RARB: variants seen among roughly 807,000 people sequenced by gnomAD.
The protein encoded by RARB is HBV-activated protein.
RARB carries 17 observed loss-of-function variants against 51.9 expected under a neutral mutation model. The ratio of observed to expected loss-of-function variants is 0.33; its 90% CI spans 0.22 to 0.49. The LOEUF (loss-of-function observed/expected upper bound fraction) is 0.49, where lower values mean the gene tolerates loss of function less well. RARB is among the 20% of genes least tolerant of loss of function. The pLI, the probability that RARB is intolerant of heterozygous loss-of-function variation, is 0.99. For missense variants in RARB, 369 were observed against 550.8 expected, an observed-to-expected ratio of 0.67 and a Z score of 3.30; for synonymous variants, 215 against 195.4, an observed-to-expected ratio of 1.10 and a Z score of -0.84.
At chr3:25,276,875 G>A (rs1195228073) in intron 5 of RARB, among the ~76,000 whole-genome samples, 1 of 152,198 alleles carries the variant, frequency 6.6e-6, no homozygotes, top group Admixed American at 6.5e-5. Flanking sequence ...TATATTGGCA[G>A]TAATCTGTAT....
intron 5 of RARB, among the ~76,000 whole-genome samples, chr3:25,205,747 T>G (rs1237821378): frequency 1.7e-5 from 2 of 119,958 alleles, no homozygotes; most frequent in African/African-American, 5.2e-5. Context: ...ATTAAAAACC[T>G]TTTTTTTTTT....
At chr3:25,108,983 A>C (rs1484328034) in intron 3 of RARB, among the ~76,000 whole-genome samples, 1 of 152,156 alleles carries the variant, frequency 6.6e-6, no homozygotes, top group Non-Finnish European at 1.5e-5. Context: ...CTTGGGAGTC[A>C]TTCAGACCAG....
chr3:25,444,837 T>C (rs1488446373), intron 1 of RARB, among the ~76,000 whole-genome samples: 1 of 152,172 alleles, frequency 6.6e-6, no homozygotes, highest in Non-Finnish European at 1.5e-5. Context: ...TACAAGCAAT[T>C]TGAGAAAAAG....
At chr3:25,391,151 G>A (rs1706943299) in intron 5 of RARB, among the ~76,000 whole-genome samples, 1 of 152,102 alleles carries the variant, frequency 6.6e-6, no homozygotes, top group Non-Finnish European at 1.5e-5. Context: ...ACAATGTTTG[G>A]TTTTCCATTC....
intron 3 of RARB, among the ~76,000 whole-genome samples, chr3:25,125,615 A>G (rs1699848687): frequency 6.6e-6 from 1 of 152,196 alleles, no homozygotes; most frequent in African/African-American, 2.4e-5. Context: ...GACATAATAA[A>G]TTGAATACTC....
At chr3:25,419,595 C>T (rs1231141991) in intron 5 of RARB, among the ~76,000 whole-genome samples, 1 of 152,136 alleles carries the variant, frequency 6.6e-6, no homozygotes, top group Non-Finnish European at 1.5e-5. Flanking sequence ...GAGAGTCTGA[C>T]AGTGTAGTGT....
intron 2 of RARB, among the ~76,000 whole-genome samples, chr3:24,980,816 A>G (rs1050708193): frequency 6.6e-6 from 1 of 151,904 alleles, no homozygotes; most frequent in Admixed American, 6.6e-5. Context: ...GCTGGAGAGG[A>G]GTTGTGTTCC....
chr3:25,050,430 A>T (rs561275092), intron 2 of RARB, among the ~76,000 whole-genome samples: 1 of 151,784 alleles, frequency 6.6e-6, no homozygotes, highest in South Asian at 2.1e-4. Context: ...AAGGCTCATG[A>T]TTTAAAAAAA....
chr3:25,108,090 T>A (rs528594470), intron 3 of RARB, among the ~76,000 whole-genome samples: 60 of 152,302 alleles, frequency 3.9e-4, no homozygotes, highest in African/African-American at 1.3e-3. Flanking sequence ...GGGTAGCATC[T>A]ACAGCATGGA....
chr3:24,917,303 GA>G (rs1369463775), intron 2 of RARB, among the ~76,000 whole-genome samples: 9 of 151,908 alleles, frequency 5.9e-5, no homozygotes, highest in Non-Finnish European at 1.2e-4. Flanking sequence ...ATTCATAGAG[GA>G]AAAAAACTGA....
intron 5 of RARB, among the ~76,000 whole-genome samples, chr3:25,381,009 C>G (rs902525674): frequency 1.3e-5 from 2 of 152,108 alleles, no homozygotes; most frequent in South Asian, 2.1e-4. Context: ...TTATTATTTT[C>G]TCTTTCCTGT....
chr3:25,232,833 C>T (rs2125391198), intron 5 of RARB, among the ~76,000 whole-genome samples: 1 of 152,202 alleles, frequency 6.6e-6, no homozygotes, highest in African/African-American at 2.4e-5. Flanking sequence ...ATATTCAACA[C>T]TTTATTATAA....
At chr3:25,016,834 C>T (rs1228639808) in intron 2 of RARB, among the ~76,000 whole-genome samples, 5 of 152,080 alleles carry the variant, frequency 3.3e-5, no homozygotes, top group South Asian at 4.1e-4. Flanking sequence ...CTTGATAACA[C>T]TTACAAGAAC....
intron 1 of RARB, among the ~76,000 whole-genome samples, chr3:24,853,167 A>C (rs78064482): frequency 6.6e-6 from 1 of 150,820 alleles, no homozygotes; most frequent in African/African-American, 2.4e-5. Flanking sequence ...AAAAAAAAAA[A>C]TTAGCCAGGC....
At chr3:24,862,810 C>T (rs141868875) in intron 2 of RARB, among the ~76,000 whole-genome samples, 6 of 152,204 alleles carry the variant, frequency 3.9e-5, no homozygotes, top group Admixed American at 3.9e-4. Flanking sequence ...TGGTACCTGC[C>T]CTTCGGCAGC....
At chr3:25,293,706 C>A (rs558932812) in intron 5 of RARB, among the ~76,000 whole-genome samples, 1 of 150,498 alleles carries the variant, frequency 6.6e-6, no homozygotes, top group South Asian at 2.1e-4. Flanking sequence ...TCTTTGCTTT[C>A]GTCTGATTAA....
chr3:25,085,518 T>C (rs1489128301), intron 3 of RARB, among the ~76,000 whole-genome samples: 1 of 152,154 alleles, frequency 6.6e-6, no homozygotes, highest in African/African-American at 2.4e-5. Flanking sequence ...CCTTCCCATG[T>C]TTTTCTTACT....
intron 5 of RARB, among the ~76,000 whole-genome samples, chr3:25,204,221 A>T (rs1307977823): frequency 6.6e-6 from 1 of 152,174 alleles, no homozygotes; most frequent in African/African-American, 2.4e-5. Flanking sequence ...TGATCGAATC[A>T]GCTACTGAAG....
chr3:25,163,504 A>AAAAAAAAAAAAATATATATATATAT (rs1303712411), intron 4 of RARB, among the ~76,000 whole-genome samples: 14 of 131,098 alleles, frequency 1.1e-4, no homozygotes, highest in African/African-American at 4.5e-4. Flanking sequence ...CCTATCTCAA[A>AAAAAAAAAAAAATATATATATATAT]ATATATATAT....
Sources: gnomAD v4.1 joint callset for allele counts (sites outside exome capture counted in the v4.1 genomes callset) on GRCh38, gnomAD v4.1.1 for gene constraint, MANE v1.5 for transcripts, NCBI Gene and HGNC (gene_info 2026-07-23, HGNC 2026-07-21) for gene names.